The following SIPA1L1 variants were observed in gnomAD, a reference collection of about 807,000 sequenced individuals.
SIPA1L1 encodes signal induced proliferation associated 1 like 1.
Under a neutral mutation model 162.7 loss-of-function variants are expected in SIPA1L1, and 26 were observed. That is an observed-to-expected ratio of 0.16 (90% CI 0.12 to 0.22). The LOEUF (loss-of-function observed/expected upper bound fraction) is 0.22, where lower values mean the gene tolerates loss of function less well. Among genes scored for constraint, SIPA1L1 ranks in the 10% least tolerant of loss-of-function variants. SIPA1L1 has a pLI of 1.00. For missense variants in SIPA1L1, 1,874 were observed against 2,241.0 expected, an observed-to-expected ratio of 0.84 and a Z score of 3.31; for synonymous variants, 829 against 837.4, an observed-to-expected ratio of 0.99 and a Z score of 0.17.
At chr14:71,409,137 G>C (rs1358787942) in intron 2 of SIPA1L1, among the ~76,000 whole-genome samples, 1 of 152,222 alleles carries the variant, frequency 6.6e-6, no homozygotes, top group Admixed American at 6.5e-5. Flanking sequence ...ATATCTGTAA[G>C]TAATATATTC....
At chr14:71,720,546 G>T (rs2083628077) in intron 17 of SIPA1L1, among the ~76,000 whole-genome samples, 1 of 151,964 alleles carries the variant, frequency 6.6e-6, no homozygotes, top group Admixed American at 6.6e-5. Flanking sequence ...CTCCAACCTG[G>T]GTGGAGACTG....
At chr14:71,537,743 G>A (rs1231387969) in intron 4 of SIPA1L1, among the ~76,000 whole-genome samples, 1 of 151,048 alleles carries the variant, frequency 6.6e-6, no homozygotes, top group African/African-American at 2.4e-5. Flanking sequence ...TTTCTTCTAA[G>A]TGGAGGATGG....
At chr14:71,609,195 T>C (rs2037893836) in intron 5 of SIPA1L1, among the ~76,000 whole-genome samples, 1 of 152,136 alleles carries the variant, frequency 6.6e-6, no homozygotes, top group Non-Finnish European at 1.5e-5. Flanking sequence ...CTGGTCTTAA[T>C]TTTTTGTTGT....
chr14:71,542,271 TTCC>T (rs1375617391), intron 4 of SIPA1L1, among the ~76,000 whole-genome samples: 3 of 139,758 alleles, frequency 2.1e-5, no homozygotes, highest in Non-Finnish European at 4.7e-5. Context: ...CTTCTTCTTC[TTCC>T]TCTTCCTCTC....
intron 2 of SIPA1L1, chr14:71,497,704 A>T (rs553043060): frequency 6.6e-6 from 1 of 152,212 alleles, no homozygotes; most frequent in African/African-American, 2.4e-5. Context: ...TTATTTCAGG[A>T]TATTCCATTG....
At chr14:71,622,399 G>A (rs972089411) in intron 6 of SIPA1L1, among the ~76,000 whole-genome samples, 1 of 152,158 alleles carries the variant, frequency 6.6e-6, no homozygotes, top group Non-Finnish European at 1.5e-5. Flanking sequence ...TGATTCGGAT[G>A]TAAAAAATGA....
chr14:71,631,899 A>T (rs1285455396), intron 7 of SIPA1L1, among the ~76,000 whole-genome samples: 1 of 152,228 alleles, frequency 6.6e-6, no homozygotes, highest in Non-Finnish European at 1.5e-5. Flanking sequence ...TTCAGGAAGT[A>T]GTTAAGAGAG....
intron 2 of SIPA1L1, among the ~76,000 whole-genome samples, chr14:71,398,152 A>G (rs1431424958): frequency 6.6e-6 from 1 of 150,802 alleles, no homozygotes; most frequent in East Asian, 2.0e-4. Context: ...AATGGCTGGG[A>G]CTACAGGCGC....
rs191912607 is a variant in SIPA1L1, at chr14:71,325,689, G to A, written c.-465+4508G>A. ...TGTCAGGAGCTGCTTTAGCTGGCCC[G>A]TAGTAAGTAGTAGTGCATTGGTGGG... On this transcript the variant is annotated intron_variant, in intron 2 of 23. Transcript: ENST00000381232. Among the ~76,000 whole-genome samples, 119 of 152,314 alleles carry A rather than the reference G, an allele frequency of 7.8e-4. 1 individual carries two copies. The highest frequency in any genetic ancestry group is 2.6e-3 in the African/African-American group (110 of 41,568).
chr14:71,697,016 G>A (rs1017953265), intron 13 of SIPA1L1, among the ~76,000 whole-genome samples: 4 of 152,206 alleles, frequency 2.6e-5, no homozygotes, highest in African/African-American at 7.2e-5. Flanking sequence ...CATTAATGGG[G>A]ATGGAGATGA....
intron 5 of SIPA1L1, among the ~76,000 whole-genome samples, chr14:71,590,011 A>T (rs1203844426): frequency 8.9e-6 from 1 of 112,432 alleles, no homozygotes; most frequent in Non-Finnish European, 1.7e-5. Context: ...CTTTTCTTTG[A>T]GTGGGAGAGT....
At chr14:71,597,136 A>AT (rs1359074903) in intron 5 of SIPA1L1, among the ~76,000 whole-genome samples, 1 of 151,558 alleles carries the variant, frequency 6.6e-6, no homozygotes, top group Non-Finnish European at 1.5e-5. Flanking sequence ...CGCCTGGCTA[A>AT]TTTTTTTAGA....
At chr14:71,674,570 G>GTT (rs146359962) in intron 12 of SIPA1L1, among the ~76,000 whole-genome samples, 6 of 114,214 alleles carry the variant, frequency 5.3e-5, no homozygotes, top group African/African-American at 1.3e-4. Context: ...GTTTTTTTTT[G>GTT]TTTTTTTTTT....
intron 16 of SIPA1L1, among the ~76,000 whole-genome samples, chr14:71,708,099 G>A (rs1259458986): frequency 7.2e-6 from 1 of 138,780 alleles, no homozygotes; most frequent in African/African-American, 2.7e-5. Context: ...GTTATTTGAA[G>A]CACAAAAGTT....
In SIPA1L1 at chr14:71,477,952, G is replaced by A. The variant is rs151084543; in HGVS notation, c.-464-34791G>A. 3.3e-5 allele frequency among the ~76,000 whole-genome samples: 5 copies of A among 152,292 alleles called. No homozygotes were observed. The East Asian group carries it at 9.6e-4, about 29-fold the overall frequency. The stretch of plus-strand genomic sequence containing the variant: ...TTTGAAATTATTTTCCAGAGTATTT[G>A]TGTCATTTTCCATTTACACCAGCAA... On this transcript the variant is annotated intron_variant, in intron 2 of 23. Transcript: ENST00000381232.
intron 10 of SIPA1L1, among the ~76,000 whole-genome samples, chr14:71,665,907 GTCTC>G (rs1271483113): frequency 1.3e-5 from 2 of 152,020 alleles, no homozygotes; most frequent in African/African-American, 4.8e-5. Flanking sequence ...TATGAATGTG[GTCTC>G]TCTCTCAAAA....
intron 2 of SIPA1L1, chr14:71,400,988 T>TA (rs1003399053): frequency 3.3e-4 from 50 of 152,208 alleles, no homozygotes; most frequent in African/African-American, 1.1e-3. Flanking sequence ...AGGTTGCACT[T>TA]ACTGCAGCAG....
intron 2 of SIPA1L1, among the ~76,000 whole-genome samples, chr14:71,336,042 T>C (rs1468592244): frequency 2.0e-5 from 3 of 152,236 alleles, no homozygotes; most frequent in African/African-American, 7.2e-5. Flanking sequence ...AGAAGGAACA[T>C]GACTGTCTTA....
rs369672108 is a variant in SIPA1L1 at position 71,686,242 on chromosome 14, GGTT to G, written c.3374+618_3374+620del. On this transcript the variant is annotated intron_variant, in intron 13 of 23. Coordinates refer to ENST00000381232, the MANE Select transcript of SIPA1L1 (RefSeq NM_001386936.1). Reference sequence around the variant, plus strand: ...GGGTCCTAGAAAGTAAGAAACCAAAGGTTGTTGTTAAATTGAAAGCCATAGAGA... The same window carrying G: ...GGGTCCTAGAAAGTAAGAAACCAAAGGTTGTTAAATTGAAAGCCATAGAGA... Among the ~76,000 whole-genome samples the G allele has an allele frequency of 2.6e-4, 40 of 152,284 alleles. No homozygotes were observed. The South Asian group carries it at 7.9e-3, about 30-fold the overall frequency.
Sources: gnomAD v4.1 joint callset for allele counts (sites outside exome capture counted in the v4.1 genomes callset) on GRCh38, gnomAD v4.1.1 for gene constraint, MANE v1.5 for transcripts, NCBI Gene and HGNC (gene_info 2026-07-23, HGNC 2026-07-21) for gene names.